The following TANC1 variants were observed in gnomAD, a reference collection of about 807,000 sequenced individuals.
The protein encoded by TANC1 is protein TANC1.
Under a neutral mutation model 149.7 loss-of-function variants are expected in TANC1, and 77 were observed. That is an observed-to-expected ratio of 0.51 (90% CI 0.43 to 0.62). The LOEUF (loss-of-function observed/expected upper bound fraction) is 0.62. Ranked by LOEUF, TANC1 falls within the 20% of genes least tolerant of loss-of-function variation. The pLI, the probability that TANC1 is intolerant of heterozygous loss-of-function variation, is 0.00. For missense variants in TANC1, 1,985 were observed against 2,321.8 expected (o/e 0.85, Z 2.98); for synonymous variants, 854 against 925.0 (o/e 0.92, Z 1.39).
intron 2 of TANC1, among the ~76,000 whole-genome samples, chr2:159,062,992 A>AAAAAAAAAAAAAAAAAAAAAAAAG (rs1559188236): frequency 6.1e-5 from 9 of 147,504 alleles, no homozygotes; most frequent in African/African-American, 2.0e-4. Flanking sequence ...AAAAAAAAAA[A>AAAAAAAAAAAAAAAAAAAAAAAAG]AAAGAAAGCA....
chr2:159,220,432 T>C (rs988283909), intron 22 of TANC1, among the ~76,000 whole-genome samples: 2 of 151,158 alleles, frequency 1.3e-5, no homozygotes, highest in Non-Finnish European at 2.9e-5. Flanking sequence ...CTCAGCCTCC[T>C]GAGTAGCTGG....
At chr2:158,983,811 A>G (rs1198750036) in intron 1 of TANC1, among the ~76,000 whole-genome samples, 1 of 152,214 alleles carries the variant, frequency 6.6e-6, no homozygotes, top group Non-Finnish European at 1.5e-5. Context: ...CAGTGGAGAA[A>G]TGGGGATTCT....
At chr2:158,971,765 C>T (rs2032917025) in intron 1 of TANC1, among the ~76,000 whole-genome samples, 1 of 152,140 alleles carries the variant, frequency 6.6e-6, no homozygotes, top group Admixed American at 6.6e-5. Context: ...TAGAACACTG[C>T]TATGGGGTTT....
In TANC1 at chr2:159,230,711, T is replaced by C. The variant is rs1420327400; in HGVS notation, c.5285T>C (p.Leu1762Pro). The C allele has an allele frequency of 2.5e-6, 4 of 1,614,200 alleles. No individual in the cohort carries two copies. The highest frequency in any genetic ancestry group is 3.4e-6 in the Non-Finnish European group (4 of 1,180,026). The change falls in exon 27 of 27, where the codon CTG (leucine) becomes CCG (proline). Residue 1762 changes from leucine to proline, a missense_variant. Coordinates refer to ENST00000263635, the MANE Select transcript of TANC1 (RefSeq NM_033394.3). The surrounding 1 kb of genome is among the most constrained non-coding windows in gnomAD (Gnocchi z 4.4). ...ACAAACACGTCTTCTGCAGCTGGCC[T>C]GCAGTCTGCTAACACTGAGAAGCCC... ...LLTNTSSAAG[L>P]QSANTEKPSL...
chr2:159,087,515 G>GT (rs60634719), intron 3 of TANC1, among the ~76,000 whole-genome samples: 5,244 of 113,606 alleles, frequency 0.046, 182 homozygotes, highest in African/African-American at 0.11. Flanking sequence ...TTTTGTTTTT[G>GT]TTTTTTTTTT....
chr2:159,116,094 G>A (rs1430606394), intron 4 of TANC1, among the ~76,000 whole-genome samples: 1 of 152,104 alleles, frequency 6.6e-6, no homozygotes, highest in African/African-American at 2.4e-5. Flanking sequence ...GGCATCTGAC[G>A]CAGAGGCTGT....
intron 3 of TANC1, among the ~76,000 whole-genome samples, chr2:159,071,455 A>G (rs1437992133): frequency 9.2e-5 from 14 of 152,140 alleles, no homozygotes; most frequent in Admixed American, 9.2e-4. Context: ...GGCTAAATAC[A>G]CTTGTAATGA....
chr2:159,172,798 C>T lies in TANC1; in HGVS notation c.1503+526C>T, dbSNP rs117274063. ...TAGCACCCATCACTGGCTCACCAAC[C>T]GCACTCCTGCATTAAAGCAGTTACA... On this transcript the variant is annotated intron_variant, in intron 11 of 26. Coordinates refer to ENST00000263635, the MANE Select transcript of TANC1 (RefSeq NM_033394.3). Among the ~76,000 whole-genome samples the T allele has an allele frequency of 1.2e-3, 187 of 152,316 alleles. 3 individuals carry two copies. In the East Asian group the frequency reaches 0.032, roughly 26 times the overall value.
chr2:159,092,319 C>T (rs1331481598), intron 3 of TANC1, among the ~76,000 whole-genome samples: 1 of 152,030 alleles, frequency 6.6e-6, no homozygotes, highest in Non-Finnish European at 1.5e-5. Context: ...CCTTCGTTGC[C>T]CTCATTTTTT....
At chr2:159,012,371 TAGC>T (rs1223043630) in intron 2 of TANC1, among the ~76,000 whole-genome samples, 1 of 152,150 alleles carries the variant, frequency 6.6e-6, no homozygotes. Flanking sequence ...ATTGTGCCGA[TAGC>T]AATGTCTTTC....
chr2:158,973,326 A>C (rs901141793), intron 1 of TANC1, among the ~76,000 whole-genome samples: 1 of 152,160 alleles, frequency 6.6e-6, no homozygotes, highest in African/African-American at 2.4e-5. Flanking sequence ...GCCAGTCATG[A>C]ACAGTGGCTT....
chr2:159,204,568 G>A (rs1302838078), intron 19 of TANC1, among the ~76,000 whole-genome samples: 3 of 152,248 alleles, frequency 2.0e-5, no homozygotes, highest in East Asian at 1.9e-4. Context: ...CCCTGTCGTG[G>A]TCACCTCCTC....
intron 2 of TANC1, among the ~76,000 whole-genome samples, chr2:159,007,138 G>GTTTTTTTTTTTTTTTTTTTT (rs70994252): frequency 2.9e-5 from 2 of 69,516 alleles, no homozygotes; most frequent in African/African-American, 5.7e-5. Flanking sequence ...CTTTAATACT[G>GTTTTTTTTTTTTTTTTTTTT]TTTTTTTTTT....
At chr2:158,969,437 G>T (rs2032496420) in intron 1 of TANC1, among the ~76,000 whole-genome samples, 2 of 152,220 alleles carry the variant, frequency 1.3e-5, no homozygotes, top group Non-Finnish European at 2.9e-5. Flanking sequence ...AGGATTAGAC[G>T]TTGGGGGTTT....
intron 2 of TANC1, among the ~76,000 whole-genome samples, chr2:159,032,559 T>A (rs2149484489): frequency 6.6e-6 from 1 of 152,310 alleles, no homozygotes; most frequent in East Asian, 1.9e-4. Context: ...GCTGTTAAAA[T>A]ATAACAGCCT....
chr2:159,090,033 T>A (rs796468105), intron 3 of TANC1, among the ~76,000 whole-genome samples: 31 of 152,328 alleles, frequency 2.0e-4, no homozygotes, highest in African/African-American at 7.5e-4. Context: ...ACAGGAAATG[T>A]GCACATAGGA....
intron 1 of TANC1, among the ~76,000 whole-genome samples, chr2:158,985,734 C>A (rs1364444475): frequency 6.6e-6 from 1 of 152,114 alleles, no homozygotes; most frequent in South Asian, 2.1e-4. Flanking sequence ...GCCTCCACCT[C>A]CCGGGTTCAA....
rs1367087787 is a variant in TANC1, at chr2:159,098,975, G to T, written c.259+1141G>T. On this transcript the variant is annotated intron_variant, in intron 4 of 26. Transcript: ENST00000263635. The stretch of plus-strand genomic sequence containing the variant: ...AAAATGTGCCTAGGGCTGTGAAATG[G>T]TATCTGTTTCTCTGATTTCCTGGTA... 4.6e-5 allele frequency among the ~76,000 whole-genome samples: 7 copies of T among 152,034 alleles called. 1 individual carries two copies. The highest frequency in any genetic ancestry group is 4.6e-4 in the Admixed American group (7 of 15,272).
At chr2:158,980,163 C>T (rs1037216316) in intron 1 of TANC1, among the ~76,000 whole-genome samples, 2 of 152,036 alleles carry the variant, frequency 1.3e-5, no homozygotes, top group African/African-American at 2.4e-5. Context: ...CAAAGTAAAC[C>T]AGGTATTTTT....
Sources: allele counts gnomAD v4.1 joint callset (sites outside exome capture counted in the v4.1 genomes callset), GRCh38; gene constraint gnomAD v4.1.1; non-coding constraint Gnocchi (gnomAD v3.1); transcripts MANE v1.5; gene names NCBI Gene and HGNC (gene_info 2026-07-23, HGNC 2026-07-21).